The following OARD1 variants were observed in gnomAD, a reference collection of about 807,000 sequenced individuals.
The protein encoded by OARD1 is O-acyl-ADP-ribose deacylase 1, also known as ADP-ribose glycohydrolase OARD1.
A neutral mutation model predicts 19.7 loss-of-function variants in OARD1; 19 were observed. The observed-to-expected ratio is 0.96, with a 90% CI of 0.67 to 1.41. The LOEUF is 1.41. OARD1 is among the 40% of genes most tolerant of loss of function. The pLI is 0.00. For synonymous variants in OARD1, 70 were observed against 61.8 expected (o/e 1.13, Z -0.62); for missense variants, 190 against 183.8 (o/e 1.03, Z -0.20).
At chr6:41,069,202 A>G (rs1013808917) in intron 4 of OARD1, 3 of 314,086 alleles carry the variant, frequency 9.6e-6, no homozygotes, top group African/African-American at 2.2e-5. Context: ...TAGGAAACCC[A>G]TGAGATTAGC....
chr6:41,091,772 G>A, intron 1 of OARD1: 1 of 1,517,042 alleles, frequency 6.6e-7, no homozygotes, highest in Non-Finnish European at 9.0e-7. Context: ...AATTTATTAT[G>A]TTGACCTCTT....
Position 41,091,516 on chromosome 6 carries a change from G to A in OARD1, c.-42+6197C>T, listed in dbSNP as rs765724500. On this transcript the variant is annotated intron_variant, in intron 1 of 4. Coordinates refer to the OARD1 transcript ENST00000480585. ...CTGTTTTTTGTTTGTTTTATGTTTTGTTTTCTTAAAGTTACAGTCCCTGTT... is the reference window on the plus strand; with the variant it reads ...CTGTTTTTTGTTTGTTTTATGTTTTATTTTCTTAAAGTTACAGTCCCTGTT... 3.1e-6 allele frequency: 5 copies of A among 1,612,008 alleles called. No homozygotes were observed. In the African/African-American group the frequency reaches 5.4e-5, roughly 17 times the overall value.
intron 3 of OARD1, 49 bp from the exon 4 acceptor site, chr6:41,070,183 T>G (rs1561843291): frequency 1.0e-6 from 1 of 982,578 alleles, no homozygotes; most frequent in Non-Finnish European, 1.6e-6. Flanking sequence ...AACCAAACAC[T>G]GATCTCTAAA....
rs575501178 is a variant in OARD1, at chr6:41,093,738, C to T, written c.-42+3975G>A. On this transcript the variant is annotated intron_variant, in intron 1 of 4. Transcript: ENST00000480585. ...CACCTGCCTGGGCCTCCCAAAGTGC[C>T]GGGATTATAGGCGTGAGCCACCATA... 4.6e-5 allele frequency among the ~76,000 whole-genome samples: 7 copies of T among 152,240 alleles called. No individual in the cohort carries two copies. The South Asian group carries it at 1.0e-3, about 23-fold the overall frequency.
At chr6:41,076,607 C>G (rs1763738805), upstream of OARD1, among the ~76,000 whole-genome samples, 1 of 152,178 alleles carries the variant, frequency 6.6e-6, no homozygotes, top group African/African-American at 2.4e-5. Flanking sequence ...AAGAGAATTG[C>G]ACTGAGAAGA....
chr6:41,075,898 T>C (rs1269570431), upstream of OARD1, among the ~76,000 whole-genome samples: 2 of 152,204 alleles, frequency 1.3e-5, no homozygotes, highest in East Asian at 3.8e-4. Flanking sequence ...TTCTTTTTAT[T>C]TTTAAAACCT....
At chr6:41,091,551 A>T in intron 1 of OARD1, 2 of 1,614,012 alleles carry the variant, frequency 1.2e-6, no homozygotes, top group South Asian at 1.1e-5. Context: ...TTCAGGCATG[A>T]TCACTATCCC....
At chr6:41,090,524 G>A (rs1387797028) in intron 1 of OARD1, among the ~76,000 whole-genome samples, 1 of 152,168 alleles carries the variant, frequency 6.6e-6, no homozygotes, top group Admixed American at 6.5e-5. Flanking sequence ...TATAGTGGTT[G>A]CTAATCTAGG....
rs141819543 is a variant in OARD1 at position 41,085,130 on chromosome 6, A to G, written c.-42+12583T>C. Among the ~76,000 whole-genome samples the G allele has an allele frequency of 3.8e-3, 582 of 152,296 alleles. 11 individuals are homozygous for G. In the South Asian group the frequency reaches 0.06, roughly 16 times the overall value. Reference sequence around the variant, plus strand: ...AAAAGAATTAATCATTATTTTTGGTAATTTAAAACTGTAGAGTTATTTTGG... The same window carrying G: ...AAAAGAATTAATCATTATTTTTGGTGATTTAAAACTGTAGAGTTATTTTGG... On this transcript the variant is annotated intron_variant, in intron 1 of 4. Coordinates refer to the OARD1 transcript ENST00000480585.
intron 1 of OARD1, among the ~76,000 whole-genome samples, chr6:41,095,901 T>C (rs1374168171): frequency 6.6e-6 from 1 of 152,238 alleles, no homozygotes; most frequent in Admixed American, 6.5e-5. Context: ...GATGTATTTG[T>C]TGGGTTTAGT....
intron 1 of OARD1, among the ~76,000 whole-genome samples, chr6:41,082,610 T>A (rs144234677): frequency 2.3e-4 from 35 of 152,364 alleles, no homozygotes; most frequent in Middle Eastern, 6.8e-3. Context: ...AGATTTTATT[T>A]AAAAGAAGTG....
At position 41,071,465 on chromosome 6, in the gene OARD1, C is replaced by T. The variant is rs1344576653; in HGVS notation, c.39+131G>A. 9.6e-6 allele frequency: 10 copies of T among 1,036,578 alleles called. No individual in the cohort carries two copies. The East Asian group carries it at 1.7e-4, about 18-fold the overall frequency. The allele number at this position is 1,036,578 out of a possible 1,614,324, so 64.2% of individuals were successfully genotyped here. On this transcript the variant is annotated intron_variant, in intron 2 of 5. Transcript: ENST00000424266. ...GATGATCCCTGCCTAGAATTTTGAG[C>T]CTTTTTAAAGTAAATCAGCTAGAGA...
At position 41,066,426 on chromosome 6, in the gene OARD1, T is replaced by G. The variant is rs1763011477; in HGVS notation, c.*909A>C. 1 of 152,188 alleles carries G rather than the reference T, an allele frequency of 6.6e-6. No individual in the cohort carries two copies. Among genetic ancestry groups the G allele is most frequent in the Non-Finnish European group, 1.5e-5 (1 of 68,042 alleles). 9.4% of individuals were successfully genotyped at this position (152,188 alleles called of 1,614,324 possible). On this transcript the variant is annotated 3_prime_UTR_variant, in exon 6 of 6. Coordinates refer to ENST00000424266, the MANE Select transcript of OARD1 (RefSeq NM_001329686.2). Reference sequence around the variant, plus strand: ...TGAGATGACAGGTATGAGAATTTTTTGAGAGGAAGTGGCCTTTATTTTTTT... The same window carrying G: ...TGAGATGACAGGTATGAGAATTTTTGGAGAGGAAGTGGCCTTTATTTTTTT...
chr6:41,067,336 C>T lies in OARD1; in HGVS notation c.458G>A (p.Ter153=), dbSNP rs775201701. 3 of 1,593,634 alleles carry T rather than the reference C, an allele frequency of 1.9e-6. No homozygotes were observed. The highest frequency in any genetic ancestry group is 1.7e-5 in the Admixed American group (1 of 59,906). ...TDIKITVYTL[*] ...GAAACATCCAAAATGTTCACTGGTTCAGAGTGTGTACACAGTAATTTTGAT... is the reference window on the plus strand; with the variant it reads ...GAAACATCCAAAATGTTCACTGGTTTAGAGTGTGTACACAGTAATTTTGAT... The change falls in exon 6 of 6, where the codon TGA becomes TAA. Residue 153 remains the stop codon, a stop_retained_variant. Transcript: ENST00000424266.
intron 2 of OARD1, 78 bp downstream of exon 2, chr6:41,071,518 T>A: frequency 8.0e-7 from 1 of 1,256,068 alleles, no homozygotes; most frequent in Non-Finnish European, 1.2e-6. Flanking sequence ...ATCATTAATT[T>A]AATTAAAAAG....
chr6:41,077,870 T>C (rs1286837219), intron 1 of OARD1, among the ~76,000 whole-genome samples: 3 of 152,368 alleles, frequency 2.0e-5, no homozygotes, highest in East Asian at 1.9e-4. Context: ...TAGCCTGTTA[T>C]TTATGGCTCA....
intron 1 of OARD1, among the ~76,000 whole-genome samples, chr6:41,088,423 C>CAA (rs34590854): frequency 0.014 from 929 of 64,602 alleles, 23 homozygotes; most frequent in African/African-American, 0.043. Flanking sequence ...ACTCCGTCTC[C>CAA]AAAAAAAAAA....
rs1248484618 is a variant in OARD1 at position 41,066,339 on chromosome 6, A to G, written c.*996T>C. On this transcript the variant is annotated 3_prime_UTR_variant, in exon 6 of 6. Coordinates refer to ENST00000424266, the MANE Select transcript of OARD1 (RefSeq NM_001329686.2). ...TGTAGAGACAGGGTCTCGCTATGTTAACCAGGTTTGTCTCAAACTCCTGGG... is the reference window on the plus strand; with the variant it reads ...TGTAGAGACAGGGTCTCGCTATGTTGACCAGGTTTGTCTCAAACTCCTGGG... 6.6e-6 allele frequency: 1 copy of G among 151,924 alleles called. No homozygotes were observed. The highest frequency in any genetic ancestry group is 2.4e-5 in the African/African-American group (1 of 41,340). The allele number at this position is 151,924 out of a possible 1,614,324, so 9.4% of individuals were successfully genotyped here. A position where few individuals can be genotyped will look rare whatever the true frequency, so the allele number is the denominator to read the frequency against.
At chr6:41,097,448 TCTCA>T in intron 1 of OARD1, 1 of 1,603,822 alleles carries the variant, frequency 6.2e-7, no homozygotes, top group Non-Finnish European at 8.5e-7. Flanking sequence ...AGGTCATGTT[TCTCA>T]CTGTTCCAGG....
Sources: gnomAD v4.1 joint callset for allele counts (sites outside exome capture counted in the v4.1 genomes callset) on GRCh38, gnomAD v4.1.1 for gene constraint, MANE v1.5 for transcripts, NCBI Gene and HGNC (gene_info 2026-07-23, HGNC 2026-07-21) for gene names.